VPS13C: variants seen among roughly 807,000 people sequenced by gnomAD.
The protein encoded by VPS13C is vacuolar protein sorting 13 homolog C.
In VPS13C, 358 loss-of-function variants were observed where a neutral mutation model predicts 456.8. That is an observed-to-expected ratio of 0.78 (90% CI 0.72 to 0.86). The LOEUF is 0.86. Ranked by LOEUF, VPS13C falls within the 40% of genes least tolerant of loss-of-function variation. The pLI is 0.00. For missense variants in VPS13C, 4,818 were observed against 4,385.4 expected (o/e 1.10, Z -2.79); for synonymous variants, 1,578 against 1,486.7 (o/e 1.06, Z -1.41).
chr15:62,004,849 A>C (rs1438362002), intron 15 of VPS13C, among the ~76,000 whole-genome samples: 2 of 152,038 alleles, frequency 1.3e-5, no homozygotes, highest in African/African-American at 2.4e-5. Context: ...GATTCTTAAT[A>C]CTGAGTTCTA....
chr15:61,900,647 G>A (rs1171188941), intron 66 of VPS13C, among the ~76,000 whole-genome samples: 6 of 149,048 alleles, frequency 4.0e-5, no homozygotes, highest in South Asian at 2.1e-4. Flanking sequence ...ATGCTCATGG[G>A]TAGGAAGAAT....
chr15:62,034,880 T>G, intron 4 of VPS13C, 77 bp downstream of exon 4: 1 of 964,348 alleles, frequency 1.0e-6, no homozygotes, highest in Non-Finnish European at 1.6e-6. Context: ...TAAATAAATG[T>G]ATTAAAATAC....
At chr15:61,905,668 C>A (rs996291275) in intron 66 of VPS13C, among the ~76,000 whole-genome samples, 1 of 151,976 alleles carries the variant, frequency 6.6e-6, no homozygotes, top group South Asian at 2.1e-4. Context: ...TCTTAGGTTT[C>A]TTTCTTTTAC....
rs1242376655 is a variant in VPS13C at position 62,060,446 on chromosome 15, G to A, written c.-72C>T. The A allele has an allele frequency of 4.1e-6, 3 of 726,066 alleles. No homozygotes were observed. Among genetic ancestry groups the A allele is most frequent in the Non-Finnish European group, 6.7e-6 (3 of 449,296 alleles). The allele number at this position is 726,066 out of a possible 1,614,324, so 45.0% of individuals were successfully genotyped here. On this transcript the variant is annotated 5_prime_UTR_variant, in exon 1 of 85. Coordinates refer to ENST00000644861, the MANE Select transcript of VPS13C (RefSeq NM_020821.3). The stretch of plus-strand genomic sequence containing the variant: ...GCAGCTGAGGGCTGCGACCAGCGCT[G>A]CAAATGACAGCCCCTCCGGCGCAGG...
intron 74 of VPS13C, among the ~76,000 whole-genome samples, chr15:61,877,687 T>A (rs899379328): frequency 2.0e-5 from 3 of 151,880 alleles, no homozygotes; most frequent in African/African-American, 4.8e-5. Flanking sequence ...TTTCCACTTA[T>A]ACCAACAGTA....
At position 61,853,674 on chromosome 15, in the gene VPS13C, TAACTC is replaced by T. The variant is rs1264980792; in HGVS notation, c.*778_*782del. 4 of 152,200 alleles carry T rather than the reference TAACTC, an allele frequency of 2.6e-5. No homozygotes were observed. Among genetic ancestry groups the T allele is most frequent in the Non-Finnish European group, 5.9e-5 (4 of 68,028 alleles). 9.4% of individuals were successfully genotyped at this position (152,200 alleles called of 1,614,324 possible). ...CAATTACCTGGTTTACCAAGAATGT[TAACTC>T]AGTTCAATTATTGAACAAATCACTC... On this transcript the variant is annotated 3_prime_UTR_variant, in exon 85 of 85. Coordinates refer to ENST00000644861, the MANE Select transcript of VPS13C (RefSeq NM_020821.3).
intron 15 of VPS13C, among the ~76,000 whole-genome samples, chr15:62,000,995 G>C (rs955517811): frequency 8.6e-5 from 13 of 152,012 alleles, no homozygotes; most frequent in Non-Finnish European, 1.6e-4. Flanking sequence ...TCATTACATA[G>C]CCATTGTACT....
At chr15:61,864,192 C>A (rs1296132497) in intron 81 of VPS13C, 1 of 449,350 alleles carries the variant, frequency 2.2e-6, no homozygotes, top group East Asian at 1.5e-4. Context: ...AATTATATTT[C>A]TTATAGAAAA....
In VPS13C at chr15:61,896,351, C is replaced by G. The variant is rs995424823; in HGVS notation, c.9106-5951G>C. ...TCCATCTGAGGTACCAGGTTCATCT[C>G]ACTAGGGAGTGCCAGACAGTGGGCA... On this transcript the variant is annotated intron_variant, in intron 66 of 84. Coordinates refer to ENST00000644861, the MANE Select transcript of VPS13C (RefSeq NM_020821.3). Among the ~76,000 whole-genome samples, 7 of 152,302 alleles carry G rather than the reference C, an allele frequency of 4.6e-5. No individual in the cohort carries two copies. The South Asian group carries it at 1.5e-3, about 32-fold the overall frequency.
Position 61,920,603 on chromosome 15 carries a change from A to G in VPS13C, c.7107T>C (p.Asp2369=). The G allele has an allele frequency of 6.3e-7, 1 of 1,594,144 alleles. No homozygotes were observed. Among genetic ancestry groups the G allele is most frequent in the Non-Finnish European group, 8.5e-7 (1 of 1,174,730 alleles). Residue 2369 remains aspartate (D), a synonymous_variant, in exon 56 of 85, where the codon GAT becomes GAC. Coordinates refer to ENST00000644861, the MANE Select transcript of VPS13C (RefSeq NM_020821.3). The part of the protein sequence containing the change: ...PVQDKSLLPG[D]DFIPEPQMAI... Reference sequence around the variant, plus strand: ...CCATTTGTGGCTCAGGAATAAAATCATCTCCTGGCAGCAAACTTTTATCCT... The same window carrying G: ...CCATTTGTGGCTCAGGAATAAAATCGTCTCCTGGCAGCAAACTTTTATCCT...
intron 24 of VPS13C, among the ~76,000 whole-genome samples, chr15:61,975,033 G>T (rs1442944202): frequency 1.3e-5 from 2 of 152,052 alleles, no homozygotes; most frequent in Non-Finnish European, 2.9e-5. Context: ...GCTCTTTCTA[G>T]CTGTTGTTGT....
intron 83 of VPS13C, among the ~76,000 whole-genome samples, chr15:61,855,991 A>C (rs1030651581): frequency 1.3e-5 from 2 of 151,246 alleles, no homozygotes; most frequent in Non-Finnish European, 3.0e-5. Context: ...GGGTGTCCAT[A>C]TGAAGTTAAA....
intron 4 of VPS13C, among the ~76,000 whole-genome samples, chr15:62,033,985 C>G (rs1347959427): frequency 6.6e-6 from 1 of 150,990 alleles, no homozygotes; most frequent in Non-Finnish European, 1.5e-5. Flanking sequence ...TATATAAGCC[C>G]TTTTTATCTA....
chr15:61,965,540 A>T (rs180712425), intron 30 of VPS13C, among the ~76,000 whole-genome samples: 2 of 152,096 alleles, frequency 1.3e-5, no homozygotes, highest in Non-Finnish European at 2.9e-5. Context: ...TCATTTTCTC[A>T]TAACACTAAA....
intron 57 of VPS13C, 105 bp from the exon 58 acceptor site, chr15:61,919,554 A>C (rs1354493762): frequency 8.8e-7 from 1 of 1,142,480 alleles, no homozygotes; most frequent in African/African-American, 1.6e-5. Flanking sequence ...TTTCCTCATC[A>C]CTAGAAATGA....
chr15:61,963,841 T>A lies in VPS13C; in HGVS notation c.3325A>T (p.Ile1109Phe), dbSNP rs1366997596. The A allele has an allele frequency of 1.2e-6, 2 of 1,606,994 alleles. No individual in the cohort carries two copies. The highest frequency in any genetic ancestry group is 2.7e-5 in the African/African-American group (2 of 74,578). The change falls in exon 32 of 85, where the codon ATT (isoleucine) becomes TTT (phenylalanine). Residue 1109 changes from isoleucine (I) to phenylalanine (F), a missense_variant. Ile to Phe is a conservative substitution (Grantham distance 21). Coordinates refer to ENST00000644861, the MANE Select transcript of VPS13C (RefSeq NM_020821.3). ...ATGCCGTGTGAACTTTTACCTTGAA[T>A]CTTGATTTCGGCGATATTGTTCTTT... ...NEKNNIAEIK[I>F]QGLDSSLSLQ...
chr15:61,909,312 A>G (rs1014545162), intron 64 of VPS13C, among the ~76,000 whole-genome samples, 187 bp from the exon 65 acceptor site: 6 of 152,186 alleles, frequency 3.9e-5, no homozygotes, highest in African/African-American at 7.2e-5. Context: ...GGTTCAACCA[A>G]TTCTCCTGCC....
chr15:61,913,393 C>A lies in VPS13C; in HGVS notation c.8468G>T (p.Ser2823Ile). 1.9e-6 allele frequency: 3 copies of A among 1,614,028 alleles called. No homozygotes were observed. Among genetic ancestry groups the A allele is most frequent in the Non-Finnish European group, 2.5e-6 (3 of 1,179,952 alleles). Residue 2823 changes from serine to isoleucine, a missense_variant, in exon 62 of 85, where the codon AGT (serine) becomes ATT (isoleucine). Ser to Ile is a moderately radical substitution (Grantham distance 142). Around this residue, in one of 3 missense-constraint regions of VPS13C, gnomAD observed 4,552 missense variants for 4,130.6 expected, o/e 1.10. Coordinates refer to ENST00000644861, the MANE Select transcript of VPS13C (RefSeq NM_020821.3). ...KNKVQLKIST[S>I]AWSSSFSLDT... The stretch of plus-strand genomic sequence containing the variant: ...CAATGAGAAACTACTGGACCAGGCA[C>A]TGGTTGAAATTTTTAATTGTACCTA...
chr15:61,950,827 C>T (rs1263693923), intron 40 of VPS13C, 118 bp downstream of exon 40: 1 of 691,970 alleles, frequency 1.4e-6, no homozygotes, highest in African/African-American at 1.8e-5. Flanking sequence ...CAAAATTCAC[C>T]ATAATCAATA....
Sources: gnomAD v4.1 joint callset for allele counts (sites outside exome capture counted in the v4.1 genomes callset) on GRCh38, gnomAD v4.1.1 for gene constraint, gnomAD v4.1.1 regional missense constraint, MANE v1.5 for transcripts, NCBI Gene and HGNC (gene_info 2026-07-23, HGNC 2026-07-21) for gene names.